EPB41L4B: variants seen among roughly 807,000 people sequenced by gnomAD.
EPB41L4B encodes band 4.1-like protein 4B.
In EPB41L4B, 30 loss-of-function variants were observed where a neutral mutation model predicts 112.5. That is an observed-to-expected ratio of 0.27 (90% CI 0.20 to 0.36). EPB41L4B has a LOEUF of 0.36. EPB41L4B is among the 10% of genes least tolerant of loss of function. The pLI is 1.00. For missense variants in EPB41L4B, 1,024 were observed against 1,133.3 expected (o/e 0.90, Z 1.38); for synonymous variants, 408 against 439.7 (o/e 0.93, Z 0.90).
Position 109,255,794 on chromosome 9 carries a change from C to T in EPB41L4B, c.979G>A (p.Val327Met), listed in dbSNP as rs1233872648. The T allele has an allele frequency of 1.7e-5, 27 of 1,613,764 alleles. No individual in the cohort carries two copies. Among genetic ancestry groups the T allele is most frequent in the Non-Finnish European group, 2.2e-5 (26 of 1,179,986 alleles). ...DFKKSKLTLV[V>M]VEDDDQGREQ... ...CCTACCTGATCATCATCCTCGACCACCACGAGTGTCAATTTGCTCTTTTTA... is the reference window on the plus strand; with the variant it reads ...CCTACCTGATCATCATCCTCGACCATCACGAGTGTCAATTTGCTCTTTTTA... Residue 327 changes from valine to methionine, a missense_variant, in exon 10 of 26, where the codon GTG becomes ATG. Transcript: ENST00000374566.
intron 1 of EPB41L4B, among the ~76,000 whole-genome samples, chr9:109,286,314 T>G (rs1370565173): frequency 6.6e-6 from 1 of 151,998 alleles, no homozygotes; most frequent in Non-Finnish European, 1.5e-5. Flanking sequence ...ATGTTCTGGA[T>G]GAGCCATGCT....
chr9:109,244,434 C>CT lies in EPB41L4B; in HGVS notation c.1345-753dup, dbSNP rs573807379. ...GAGAAGGAAGGAGGTTGAAGGTTGT[C>CT]TTTTTTTTTTTTTTTTTTTTTTTTT... is the stretch of plus-strand genomic sequence containing the variant. On this transcript the variant is annotated intron_variant, in intron 14 of 25. Coordinates refer to ENST00000374566, the MANE Select transcript of EPB41L4B (RefSeq NM_019114.5). Among the ~76,000 whole-genome samples the CT allele has an allele frequency of 3.4e-3, 165 of 48,516 alleles. 3 individuals are homozygous for CT. Among genetic ancestry groups the CT allele is most frequent in the Non-Finnish European group, 4.4e-3 (132 of 29,928 alleles). The allele number at this position is 48,516 out of a possible 152,430, so 31.8% of individuals were successfully genotyped here.
chr9:109,240,197 T>C, intron 15 of EPB41L4B: 1 of 985,420 alleles, frequency 1.0e-6, no homozygotes, highest in African/African-American at 1.7e-5. Flanking sequence ...AACACATTTG[T>C]AAAAATGCTA....
chr9:109,191,094 A>T (rs568206055), intron 22 of EPB41L4B, among the ~76,000 whole-genome samples: 1 of 152,138 alleles, frequency 6.6e-6, no homozygotes, highest in Admixed American at 6.5e-5. Flanking sequence ...GAGGAGGACC[A>T]AAGGGAGAAG....
At chr9:109,276,021 A>C (rs1835801053) in intron 2 of EPB41L4B, among the ~76,000 whole-genome samples, 1 of 147,470 alleles carries the variant, frequency 6.8e-6, no homozygotes, top group Admixed American at 6.9e-5. Context: ...CTTAGGATCT[A>C]AATTTAAAGT....
chr9:109,218,025 C>T (rs528812440), intron 15 of EPB41L4B, among the ~76,000 whole-genome samples: 62 of 152,126 alleles, frequency 4.1e-4, no homozygotes, highest in Admixed American at 7.9e-4. Context: ...TTCCTTTAGT[C>T]CATCCTCCAC....
chr9:109,251,408 GA>G (rs1554754456), intron 13 of EPB41L4B, 72 bp downstream of exon 13: 1 of 1,456,090 alleles, frequency 6.9e-7, no homozygotes, highest in South Asian at 1.1e-5. Flanking sequence ...CTGTAGTAAG[GA>G]AAAAGTCAAC....
At chr9:109,246,825 C>T (rs770326399) in intron 14 of EPB41L4B, among the ~76,000 whole-genome samples, 9 of 152,214 alleles carry the variant, frequency 5.9e-5, no homozygotes, top group African/African-American at 2.2e-4. Flanking sequence ...TAGAAACGTA[C>T]CTGTGCTCCT....
chr9:109,213,861 G>A, intron 16 of EPB41L4B, 43 bp from the exon 17 acceptor site: 1 of 1,567,284 alleles, frequency 6.4e-7, no homozygotes, highest in Non-Finnish European at 8.8e-7. Context: ...AGGTTGAAAG[G>A]ACAGATAGAT....
intron 15 of EPB41L4B, among the ~76,000 whole-genome samples, chr9:109,218,126 C>CTTT (rs10654240): frequency 0.15 from 15,850 of 106,302 alleles, 2,666 homozygotes; most frequent in African/African-American, 0.31. Flanking sequence ...ACTAATAATT[C>CTTT]TTTTTTTTTT....
intron 23 of EPB41L4B, among the ~76,000 whole-genome samples, chr9:109,184,384 T>C (rs915977209): frequency 2.0e-5 from 3 of 152,172 alleles, no homozygotes; most frequent in African/African-American, 7.2e-5. Context: ...GATGCCCAGC[T>C]AACTTTTGTA....
At chr9:109,207,552 A>G (rs1248007266) in intron 18 of EPB41L4B, among the ~76,000 whole-genome samples, 4 of 152,096 alleles carry the variant, frequency 2.6e-5, no homozygotes, top group African/African-American at 9.7e-5. Context: ...AGCCTTTGCA[A>G]CAGAGTGAGA....
intron 1 of EPB41L4B, among the ~76,000 whole-genome samples, chr9:109,283,617 T>C (rs1000317241): frequency 1.3e-5 from 2 of 152,178 alleles, no homozygotes; most frequent in Non-Finnish European, 1.5e-5. Flanking sequence ...TTAATGACAA[T>C]GTTAGGTAAA....
In EPB41L4B at chr9:109,259,975, A is replaced by T. The variant is rs10979779; in HGVS notation, c.632-1678T>A. Among the ~76,000 whole-genome samples the T allele has an allele frequency of 2.0e-5, 3 of 152,032 alleles. No individual in the cohort carries two copies. The East Asian group carries it at 5.8e-4, about 29-fold the overall frequency. On this transcript the variant is annotated intron_variant, in intron 6 of 25. Coordinates refer to ENST00000374566, the MANE Select transcript of EPB41L4B (RefSeq NM_019114.5). ...CTCAGCTGTGGGTGAGGTGGAAAGC[A>T]GACTGTAGCATTTACTCATGGAATG...
At chr9:109,286,555 T>A (rs762127612) in intron 1 of EPB41L4B, among the ~76,000 whole-genome samples, 23 of 152,196 alleles carry the variant, frequency 1.5e-4, no homozygotes, top group Admixed American at 5.9e-4. Context: ...CCATTTCTTG[T>A]TGCCTTATCG....
At chr9:109,226,757 T>TATATATGAAGA (rs1564279253) in intron 15 of EPB41L4B, among the ~76,000 whole-genome samples, 4 of 37,594 alleles carry the variant, frequency 1.1e-4, no homozygotes, top group Non-Finnish European at 2.1e-4. Context: ...ATATGAAGAA[T>TATATATGAAGA]ATATATATAT....
chr9:109,232,061 C>T (rs564251615), intron 15 of EPB41L4B, among the ~76,000 whole-genome samples: 6 of 151,840 alleles, frequency 4.0e-5, no homozygotes, highest in South Asian at 2.1e-4. Flanking sequence ...GTGCAATCTC[C>T]GCTCACTGCA....
At chr9:109,305,489 G>C (rs1045542852) in intron 1 of EPB41L4B, among the ~76,000 whole-genome samples, 1 of 151,790 alleles carries the variant, frequency 6.6e-6, no homozygotes, top group Non-Finnish European at 1.5e-5. Flanking sequence ...GTGGTGGCGG[G>C]TGCCTGTAAT....
intron 2 of EPB41L4B, among the ~76,000 whole-genome samples, chr9:109,278,178 T>C (rs920849623): frequency 2.0e-5 from 3 of 151,826 alleles, no homozygotes; most frequent in African/African-American, 7.3e-5. Flanking sequence ...TCTGCCCTTC[T>C]CCCGGGTCCG....
Sources: allele counts gnomAD v4.1 joint callset (sites outside exome capture counted in the v4.1 genomes callset), GRCh38; gene constraint gnomAD v4.1.1; transcripts MANE v1.5; gene names NCBI Gene and HGNC (gene_info 2026-07-23, HGNC 2026-07-21).